The following KRR1 variants were observed in gnomAD, a reference collection of about 807,000 sequenced individuals.
KRR1 encodes KRR1 small subunit processome component.
A neutral mutation model predicts 50.0 loss-of-function variants in KRR1; 23 were observed. The ratio of observed to expected loss-of-function variants is 0.46; its 90% CI spans 0.33 to 0.65. KRR1 has a LOEUF of 0.65. Ranked by LOEUF, KRR1 falls within the 30% of genes least tolerant of loss-of-function variation. The pLI is 0.02. For missense variants in KRR1, 419 were observed against 442.4 expected (o/e 0.95, Z 0.47); for synonymous variants, 133 against 146.3 (o/e 0.91, Z 0.66).
At chr12:75,500,006 C>T in intron 9 of KRR1, 55 bp from the exon 10 acceptor site, 1 of 1,364,598 alleles carries the variant, frequency 7.3e-7, no homozygotes, top group Non-Finnish European at 1.0e-6. Context: ...CCAAGTAAAA[C>T]AAAGAATATA....
chr12:75,501,685 C>T (rs774213455), intron 9 of KRR1, 38 bp downstream of exon 9: 58 of 1,337,192 alleles, frequency 4.3e-5, no homozygotes, highest in Middle Eastern at 1.9e-4. Context: ...TTTACTTTTC[C>T]TAATTAATAA....
chr12:75,501,644 C>A, intron 9 of KRR1, 79 bp downstream of exon 9: 1 of 923,400 alleles, frequency 1.1e-6, no homozygotes. Flanking sequence ...ACAACTGTTT[C>A]TTAAAAAGAT....
chr12:75,495,604 G>A lies in KRR1; in HGVS notation c.*4205C>T, dbSNP rs1330123607. 1.3e-5 allele frequency: 21 copies of A among 1,610,408 alleles called. No homozygotes were observed. Among genetic ancestry groups the A allele is most frequent in the Non-Finnish European group, 1.8e-5 (21 of 1,176,852 alleles). On this transcript the variant is annotated 3_prime_UTR_variant, in exon 10 of 10. Coordinates refer to ENST00000229214, the MANE Select transcript of KRR1 (RefSeq NM_007043.7). ...GGAATTACCCAACTTGGCCATATAAGAGAGGAGCCACCTGCAGTGCCTGCC... is the reference window on the plus strand; with the variant it reads ...GGAATTACCCAACTTGGCCATATAAAAGAGGAGCCACCTGCAGTGCCTGCC...
At chr12:75,502,631 T>G (rs1292411536) in intron 7 of KRR1, 1 of 152,070 alleles carries the variant, frequency 6.6e-6, no homozygotes, top group Non-Finnish European at 1.5e-5. Flanking sequence ...TAACAATTCT[T>G]TAAGATAGGT....
intron 2 of KRR1, 50 bp downstream of exon 2, chr12:75,508,224 T>A: frequency 2.3e-6 from 3 of 1,326,100 alleles, no homozygotes; most frequent in Non-Finnish European, 2.1e-6. Context: ...TTTAAAGGCA[T>A]AAGCAAGAGC....
At chr12:75,505,429 A>G (rs370256159) in intron 5 of KRR1, among the ~76,000 whole-genome samples, 175 bp from the exon 6 acceptor site, 1 of 152,058 alleles carries the variant, frequency 6.6e-6, no homozygotes, top group African/African-American at 2.4e-5. Context: ...AAGGCAGTCA[A>G]TCTCCCTTGA....
intron 7 of KRR1, 151 bp from the exon 8 acceptor site, chr12:75,502,151 G>C: frequency 1.6e-6 from 1 of 639,846 alleles, no homozygotes; most frequent in Non-Finnish European, 2.7e-6. Context: ...CAGAGTCTAA[G>C]CTGAGGGGAA....
chr12:75,496,507 TAGTA>T lies in KRR1; in HGVS notation c.*3298_*3301del, dbSNP rs1274735901. On this transcript the variant is annotated 3_prime_UTR_variant, in exon 10 of 10. Transcript: ENST00000229214. ...ATTCTGCTTTGTGATTTTGAAATAT[TAGTA>T]AGTGACCAAGAGTTTATTTCTTGTT... 1.3e-5 allele frequency: 2 copies of T among 152,188 alleles called. No homozygotes were observed. The highest frequency in any genetic ancestry group is 2.9e-5 in the Non-Finnish European group (2 of 68,044). The allele number at this position is 152,188 out of a possible 1,614,324, so 9.4% of individuals were successfully genotyped here. A position where few individuals can be genotyped will look rare whatever the true frequency, so the allele number is the denominator to read the frequency against.
chr12:75,501,484 T>G, intron 9 of KRR1: 2 of 429,190 alleles, frequency 4.7e-6, no homozygotes, highest in East Asian at 3.9e-5. Context: ...AAGAGTCTTT[T>G]CCAAGCACAG....
Position 75,502,052 on chromosome 12 carries a change from C to T in KRR1, c.832-52G>A, listed in dbSNP as rs753241921. On this transcript the variant is annotated intron_variant, in intron 7 of 9. Coordinates refer to ENST00000229214, the MANE Select transcript of KRR1 (RefSeq NM_007043.7). ...ATCAGAAATAATGTAGAGGAGAAGT[C>T]ATGTCCTAAGCAAGTCACAATATCC... 31 of 1,440,630 alleles carry T rather than the reference C, an allele frequency of 2.2e-5. No individual in the cohort carries two copies. The Admixed American group carries it at 3.3e-4, about 15-fold the overall frequency. 89.2% of individuals were successfully genotyped at this position (1,440,630 alleles called of 1,614,324 possible).
chr12:75,505,968 T>C (rs1425718422), intron 5 of KRR1, among the ~76,000 whole-genome samples: 2 of 152,130 alleles, frequency 1.3e-5, no homozygotes, highest in Non-Finnish European at 2.9e-5. Flanking sequence ...AACTGGATTT[T>C]TGCTCAATTT....
Position 75,499,924 on chromosome 12 carries a change from G to T in KRR1, c.1031C>A (p.Ala344Asp). ...TTTCTTAACCTTTTCCTTGATGCTGGCCACATCAATTTTAGTTTCAGTAGA... is the reference window on the plus strand; with the variant it reads ...TTTCTTAACCTTTTCCTTGATGCTGTCCACATCAATTTTAGTTTCAGTAGA... Reference protein sequence around the residue: ...EASTETKIDVASIKEKVKKAK... With the variant: ...EASTETKIDVDSIKEKVKKAK... Residue 344 changes from alanine (A) to aspartate (D), a missense_variant, in exon 10 of 10, where the codon GCC (alanine) becomes GAC (aspartate). Ala to Asp is a moderately radical substitution (Grantham distance 126, BLOSUM62 -2). Coordinates refer to ENST00000229214, the MANE Select transcript of KRR1 (RefSeq NM_007043.7). 1 of 1,603,504 alleles carries T rather than the reference G, an allele frequency of 6.2e-7. No individual in the cohort carries two copies. Among genetic ancestry groups the T allele is most frequent in the Non-Finnish European group, 8.5e-7 (1 of 1,175,916 alleles).
chr12:75,503,754 A>T, intron 7 of KRR1, 150 bp downstream of exon 7: 1 of 648,408 alleles, frequency 1.5e-6, no homozygotes, highest in East Asian at 2.8e-5. Flanking sequence ...ATGCCTATTT[A>T]TATTTACCCT....
In KRR1 at chr12:75,506,615, G is replaced by GAAAAAAAAAAAAAAA. The variant is rs761658542; in HGVS notation, c.394-7_394-6insTTTTTTTTTTTTTTT. ...TCCTGAAGAATTCGTACTGCCTTTTGCAAAAAAAAAAAAAAAAAGAAGACA... is the reference window on the plus strand; with the variant it reads ...TCCTGAAGAATTCGTACTGCCTTTTGAAAAAAAAAAAAAAACAAAAAAAAAAAAAAAAAGAAGACA... On this transcript the variant is annotated splice_polypyrimidine_tract_variant and splice_region_variant and intron_variant, in intron 3 of 9. Coordinates refer to ENST00000229214, the MANE Select transcript of KRR1 (RefSeq NM_007043.7). 1 of 1,227,364 alleles carries GAAAAAAAAAAAAAAA rather than the reference G, an allele frequency of 8.1e-7. No homozygotes were observed. The highest frequency in any genetic ancestry group is 2.9e-5 in the African/African-American group (1 of 34,966). The allele number at this position is 1,227,364 out of a possible 1,614,324, so 76.0% of individuals were successfully genotyped here.
At chr12:75,502,038 T>G (rs770606721) in intron 7 of KRR1, 38 bp from the exon 8 acceptor site, 1 of 1,532,886 alleles carries the variant, frequency 6.5e-7, no homozygotes, top group Non-Finnish European at 9.0e-7. Context: ...TCAGAAATAA[T>G]GTAGAGGAGA....
rs751605081 is a variant in KRR1 at position 75,506,731 on chromosome 12, T to C, written c.393+51A>G. 9.5e-6 allele frequency: 15 copies of C among 1,571,446 alleles called. No homozygotes were observed. The East Asian group carries it at 1.4e-4, about 14-fold the overall frequency. On this transcript the variant is annotated intron_variant, in intron 3 of 9. Transcript: ENST00000229214. ...ATGAAAACTTGATGGTGGGATGTTA[T>C]AGGTTAACACTGATGCAAACAAAGC...
chr12:75,504,116 T>TC, intron 6 of KRR1, 42 bp from the exon 7 acceptor site: 1 of 1,452,288 alleles, frequency 6.9e-7, no homozygotes, highest in Non-Finnish European at 9.5e-7. Flanking sequence ...CTTTCCAAAG[T>TC]CACACATTTG....
chr12:75,496,513 G>C lies in KRR1; in HGVS notation c.*3296C>G, dbSNP rs1274934345. 1 of 152,124 alleles carries C rather than the reference G, an allele frequency of 6.6e-6. No individual in the cohort carries two copies. The highest frequency in any genetic ancestry group is 1.5e-5 in the Non-Finnish European group (1 of 68,032). The allele number at this position is 152,124 out of a possible 1,614,324, so 9.4% of individuals were successfully genotyped here. On this transcript the variant is annotated 3_prime_UTR_variant, in exon 10 of 10. Coordinates refer to ENST00000229214, the MANE Select transcript of KRR1 (RefSeq NM_007043.7). ...CTTTGTGATTTTGAAATATTAGTAA[G>C]TGACCAAGAGTTTATTTCTTGTTCT...
At chr12:75,508,227 G>T in intron 2 of KRR1, 47 bp downstream of exon 2, 1 of 1,358,810 alleles carries the variant, frequency 7.4e-7, no homozygotes, top group Non-Finnish European at 9.9e-7. Context: ...AAAGGCATAA[G>T]CAAGAGCAAA....
Sources: allele counts gnomAD v4.1 joint callset (sites outside exome capture counted in the v4.1 genomes callset), GRCh38; gene constraint gnomAD v4.1.1; transcripts MANE v1.5; gene names NCBI Gene and HGNC (gene_info 2026-07-23, HGNC 2026-07-21).